ATP2A2: variants seen among roughly 807,000 people sequenced by gnomAD.
ATP2A2 encodes the protein ATPase sarcoplasmic/endoplasmic reticulum Ca2+ transporting 2.
In ATP2A2, 14 loss-of-function variants were observed where a neutral mutation model predicts 109.3. That is an observed-to-expected ratio of 0.13 (90% CI 0.08 to 0.20). The LOEUF (loss-of-function observed/expected upper bound fraction) is 0.20, where lower values mean the gene tolerates loss of function less well. Among genes scored for constraint, ATP2A2 ranks in the 10% least tolerant of loss-of-function variants. The pLI is 1.00. For synonymous variants in ATP2A2, 506 were observed against 490.9 expected (o/e 1.03, Z -0.41); for missense variants, 657 against 1,321.6 (o/e 0.50, Z 7.80).
At chr12:110,332,094 T>TCGGTGGTCGCCG in intron 8 of ATP2A2, 1 of 188,284 alleles carries the variant, frequency 5.3e-6, no homozygotes, top group Non-Finnish European at 1.1e-5. Flanking sequence ...GCAGTTTGTC[T>TCGGTGGTCGCCG]TATTTTACTC....
chr12:110,340,948 C>T lies in ATP2A2; in HGVS notation c.2051C>T (p.Ser684Phe). 6.2e-7 allele frequency: 1 copy of T among 1,614,218 alleles called. No individual in the cohort carries two copies. Among genetic ancestry groups the T allele is most frequent in the South Asian group, 1.1e-5 (1 of 91,084 alleles). The change falls in exon 14 of 20, where the codon TCT becomes TTT. Residue 684 changes from serine (S) to phenylalanine (F), a missense_variant. This residue lies in a region of ATP2A2 where 50 missense variants were observed against 176.9 expected (regional missense o/e 0.28). Transcript: ENST00000539276. The surrounding 1 kb of genome is among the most constrained non-coding windows in gnomAD (Gnocchi z 6.0). ...GCTCGAGTTGAACCCTCCCACAAGTCTAAAATCGTAGAATTTCTTCAGTCT... is the reference window on the plus strand; with the variant it reads ...GCTCGAGTTGAACCCTCCCACAAGTTTAAAATCGTAGAATTTCTTCAGTCT... ...CFARVEPSHK[S>F]KIVEFLQSFD...
Position 110,342,787 on chromosome 12 carries a change from C to T in ATP2A2, c.2318+339C>T, listed in dbSNP as rs12317997. Among the ~76,000 whole-genome samples, 3,541 of 152,242 alleles carry T rather than the reference C, an allele frequency of 0.023. 124 individuals are homozygous for T. The highest frequency in any genetic ancestry group is 0.08 in the African/African-American group (3,303 of 41,526). On this transcript the variant is annotated intron_variant, in intron 15 of 19. Coordinates refer to ENST00000539276, the MANE Select transcript of ATP2A2 (RefSeq NM_170665.4). The surrounding 1 kb of genome is among the most constrained non-coding windows in gnomAD (Gnocchi z 4.6). Reference sequence around the variant, plus strand: ...TTTTTATTTATTTTTTTGAGACAGTCTCGCTGTCGCCCAGGCTTCGGGCAG... The same window carrying T: ...TTTTTATTTATTTTTTTGAGACAGTTTCGCTGTCGCCCAGGCTTCGGGCAG...
Position 110,340,720 on chromosome 12 carries a change from C to T in ATP2A2, c.1823C>T (p.Ser608Phe). ...GATCCTCCGAGAATCGAGGTGGCCTCCTCCGTGAAGCTGTGCCGGCAAGCA... is the reference window on the plus strand; with the variant it reads ...GATCCTCCGAGAATCGAGGTGGCCTTCTCCGTGAAGCTGTGCCGGCAAGCA... ...MLDPPRIEVA[S>F]SVKLCRQAGI... The change falls in exon 14 of 20, where the codon TCC becomes TTC. Residue 608 changes from serine to phenylalanine, a missense_variant. This residue lies in a region of ATP2A2 where 180 missense variants were observed against 329.1 expected (regional missense o/e 0.55). Transcript: ENST00000539276. The surrounding 1 kb of genome is among the most constrained non-coding windows in gnomAD (Gnocchi z 6.0). The T allele has an allele frequency of 6.2e-7, 1 of 1,614,122 alleles. No homozygotes were observed. The highest frequency in any genetic ancestry group is 8.5e-7 in the Non-Finnish European group (1 of 1,180,014).
Position 110,346,056 on chromosome 12 carries a change from G to C in ATP2A2, c.2797G>C (p.Val933Leu), listed in dbSNP as rs372102705. The C allele has an allele frequency of 1.2e-6, 2 of 1,614,162 alleles. No homozygotes were observed. Among genetic ancestry groups the C allele is most frequent in the Non-Finnish European group, 1.7e-6 (2 of 1,180,024 alleles). Residue 933 changes from valine to leucine, a missense_variant, in exon 19 of 20, where the codon GTG becomes CTG. Transcript: ENST00000539276. ...GCCCCCCTGGGAGAACATCTGGCTC[G>C]TGGGCTCCATCTGCCTGTCCATGTC... Reference protein sequence around the residue: ...RMPPWENIWLVGSICLSMSLH... With the variant: ...RMPPWENIWLLGSICLSMSLH...
In ATP2A2 at chr12:110,282,536, A is replaced by G. The variant is rs1355924566; in HGVS notation, c.119-68A>G. The G allele has an allele frequency of 4.4e-6, 7 of 1,577,312 alleles. No individual in the cohort carries two copies. The East Asian group carries it at 1.6e-4, about 35-fold the overall frequency. On this transcript the variant is annotated intron_variant, in intron 1 of 19. Transcript: ENST00000539276. ...CTTTTTAGAAAAACGAAGTGCTAAA[A>G]TGTCTCTCTCTTTTTTTTTTTAACC...
chr12:110,336,977 C>T (rs1336539249), intron 11 of ATP2A2, among the ~76,000 whole-genome samples: 1 of 152,158 alleles, frequency 6.6e-6, no homozygotes, highest in Admixed American at 6.5e-5. Context: ...GGGTTTGAGT[C>T]GTTTGATTCT....
At position 110,347,637 on chromosome 12, in the gene ATP2A2, A is replaced by G. The variant is rs1487828017; in HGVS notation, c.*1167A>G. The G allele has an allele frequency of 8.4e-7, 1 of 1,184,780 alleles. No individual in the cohort carries two copies. Among genetic ancestry groups the G allele is most frequent in the East Asian group, 5.9e-5 (1 of 17,026 alleles). 73.4% of individuals were successfully genotyped at this position (1,184,780 alleles called of 1,614,324 possible). On this transcript the variant is annotated 3_prime_UTR_variant, in exon 20 of 20. Coordinates refer to ENST00000539276, the MANE Select transcript of ATP2A2 (RefSeq NM_170665.4). ...TGACCAAATGAACATATTGTATAGA[A>G]CTATTTTTATTTGAATGTGGCACTA...
intron 5 of ATP2A2, among the ~76,000 whole-genome samples, chr12:110,318,806 A>G (rs1170346040): frequency 2.6e-5 from 4 of 152,186 alleles, no homozygotes; most frequent in Non-Finnish European, 4.4e-5. Context: ...TGTTTCTTCA[A>G]TATCTTTCTA....
chr12:110,328,120 C>G, intron 8 of ATP2A2, 103 bp downstream of exon 8: 1 of 1,182,238 alleles, frequency 8.5e-7, no homozygotes, highest in Admixed American at 1.9e-5. Context: ...TCATACATTT[C>G]TGTGGGCTGT....
At chr12:110,304,687 C>T (rs1048934926) in intron 5 of ATP2A2, among the ~76,000 whole-genome samples, 1 of 151,952 alleles carries the variant, frequency 6.6e-6, no homozygotes, top group Non-Finnish European at 1.5e-5. Flanking sequence ...AAATTTTTTC[C>T]CCATTCTATA....
At chr12:110,304,691 T>C (rs1875071807) in intron 5 of ATP2A2, among the ~76,000 whole-genome samples, 1 of 152,194 alleles carries the variant, frequency 6.6e-6, no homozygotes, top group South Asian at 2.1e-4. Flanking sequence ...TTTTTCCCCA[T>C]TCTATAGGGA....
Position 110,349,768 on chromosome 12 carries a change from C to G in ATP2A2, c.*3298C>G. The stretch of plus-strand genomic sequence containing the variant: ...CCTGTGACTGTAACCACCAAATTGT[C>G]CAAACACCCGCTGCAGTTAGCAAGA... On this transcript the variant is annotated 3_prime_UTR_variant, in exon 20 of 20. Coordinates refer to ENST00000539276, the MANE Select transcript of ATP2A2 (RefSeq NM_170665.4). The G allele has an allele frequency of 9.8e-7, 1 of 1,018,122 alleles. No homozygotes were observed. The highest frequency in any genetic ancestry group is 1.2e-6 in the Non-Finnish European group (1 of 848,564). The allele number at this position is 1,018,122 out of a possible 1,614,324, so 63.1% of individuals were successfully genotyped here. A position where few individuals can be genotyped will look rare whatever the true frequency, so the allele number is the denominator to read the frequency against.
intron 5 of ATP2A2, among the ~76,000 whole-genome samples, chr12:110,306,462 A>G (rs906217981): frequency 1.3e-5 from 2 of 152,090 alleles, no homozygotes; most frequent in Non-Finnish European, 2.9e-5. Context: ...GATGATGAGT[A>G]TAGATGATGA....
At position 110,334,150 on chromosome 12, in the gene ATP2A2, A is replaced by G. The variant is rs977006167; in HGVS notation, c.1419+7A>G. The G allele has an allele frequency of 1.2e-6, 2 of 1,613,650 alleles. No individual in the cohort carries two copies. The highest frequency in any genetic ancestry group is 1.3e-5 in the African/African-American group (1 of 74,932). On this transcript the variant is annotated splice_region_variant and intron_variant, in intron 11 of 19. Coordinates refer to ENST00000539276, the MANE Select transcript of ATP2A2 (RefSeq NM_170665.4). ...TGCAAATGCCTGCAACTCAGTGAGT[A>G]TTTGAACCTGGTTTATTGTTCATGC...
intron 9 of ATP2A2, 58 bp from the exon 10 acceptor site, chr12:110,333,123 G>A (rs575777449): frequency 9.2e-6 from 13 of 1,407,742 alleles, no homozygotes; most frequent in Admixed American, 8.4e-5. Flanking sequence ...GGCAGGGGGC[G>A]GGAGGAATCA....
intron 5 of ATP2A2, among the ~76,000 whole-genome samples, chr12:110,311,610 A>AAAC (rs1876062164): frequency 6.7e-6 from 1 of 150,310 alleles, no homozygotes; most frequent in Non-Finnish European, 1.5e-5. Flanking sequence ...AAAAAAAAAA[A>AAAC]AAAAAAAAAA....
intron 3 of ATP2A2, among the ~76,000 whole-genome samples, chr12:110,285,086 G>A (rs951141028): frequency 2.0e-5 from 3 of 152,126 alleles, no homozygotes. Flanking sequence ...TACATCATGC[G>A]TCATCAAGTC....
chr12:110,298,469 C>T (rs990555437), intron 5 of ATP2A2, among the ~76,000 whole-genome samples: 1 of 152,174 alleles, frequency 6.6e-6, no homozygotes, highest in Non-Finnish European at 1.5e-5. Context: ...CCTGTAATCC[C>T]AGCACTTTGG....
chr12:110,285,042 G>T (rs1257645697), intron 3 of ATP2A2, among the ~76,000 whole-genome samples: 1 of 152,092 alleles, frequency 6.6e-6, no homozygotes, highest in Non-Finnish European at 1.5e-5. Context: ...GAATATTCAG[G>T]TTTTTTTGGA....
Sources: allele counts gnomAD v4.1 joint callset (sites outside exome capture counted in the v4.1 genomes callset), GRCh38; gene constraint gnomAD v4.1.1; regional missense constraint gnomAD v4.1.1; non-coding constraint Gnocchi (gnomAD v3.1); transcripts MANE v1.5; gene names NCBI Gene and HGNC (gene_info 2026-07-23, HGNC 2026-07-21).